ABR: variants seen among roughly 807,000 people sequenced by gnomAD.
ABR encodes active breakpoint cluster region-related protein.
Under a neutral mutation model 107.2 loss-of-function variants are expected in ABR, and 35 were observed. That is an observed-to-expected ratio of 0.33 (90% confidence interval 0.25 to 0.43). The LOEUF (loss-of-function observed/expected upper bound fraction) is 0.43. ABR is among the 20% of genes least tolerant of loss of function. The probability of loss-of-function intolerance (pLI) is 1.00; values close to 1 mark genes in which losing one functional copy is unlikely to be tolerated. For synonymous variants in ABR, 498 were observed against 462.0 expected (o/e 1.08, Z -1.00); for missense variants, 815 against 1,115.2 (o/e 0.73, Z 3.83).
At chr17:1,168,095 T>G (rs1407836179) in intron 1 of ABR, among the ~76,000 whole-genome samples, 1 of 151,980 alleles carries the variant, frequency 6.6e-6, no homozygotes, top group Non-Finnish European at 1.5e-5. Context: ...GAGACCAGCC[T>G]GACCAATATA....
Position 1,071,415 on chromosome 17 carries a change from C to G in ABR, c.894+1199G>C, listed in dbSNP as rs1202898901. Among the ~76,000 whole-genome samples the G allele has an allele frequency of 6.6e-6, 1 of 152,180 alleles. No homozygotes were observed. The highest frequency in any genetic ancestry group is 1.9e-4 in the East Asian group (1 of 5,180). On this transcript the variant is annotated intron_variant, in intron 8 of 22. Coordinates refer to ENST00000302538, the MANE Select transcript of ABR (RefSeq NM_021962.5). This position sits in a 1 kb window ranked among gnomAD's most constrained non-coding sequence, Gnocchi z 5.1. Reference sequence around the variant, plus strand: ...TGTCAGCCTCACTCGTAACGGCCGCCTAATGGCCTCCCCTGGACAGGAAGC... The same window carrying G: ...TGTCAGCCTCACTCGTAACGGCCGCGTAATGGCCTCCCCTGGACAGGAAGC...
chr17:1,057,210 T>C, intron 12 of ABR, 108 bp from the exon 13 acceptor site: 1 of 723,112 alleles, frequency 1.4e-6, no homozygotes, highest in Non-Finnish European at 2.4e-6. Flanking sequence ...TGGGGCAGAC[T>C]TGGTCCTTGC....
intron 1 of ABR, among the ~76,000 whole-genome samples, chr17:1,141,517 G>A (rs970666204): frequency 2.0e-5 from 3 of 152,154 alleles, no homozygotes; most frequent in East Asian, 1.9e-4. Flanking sequence ...AGGTTACAAT[G>A]AGGAAATATA....
At chr17:1,057,173 G>A (rs762771051) in intron 12 of ABR, 71 bp from the exon 13 acceptor site, 21 of 1,045,106 alleles carry the variant, frequency 2.0e-5, no homozygotes, top group Admixed American at 7.5e-5. Context: ...TTCCCTGGGG[G>A]CTGCTGCAGG....
At chr17:1,160,693 C>T (rs150703335) in intron 1 of ABR, among the ~76,000 whole-genome samples, 32 of 152,300 alleles carry the variant, frequency 2.1e-4, no homozygotes, top group African/African-American at 6.3e-4. Context: ...GGGAGGGAGG[C>T]GGCGCAGATG....
chr17:1,041,199 T>C (rs1747542619), intron 16 of ABR, among the ~76,000 whole-genome samples: 1 of 152,020 alleles, frequency 6.6e-6, no homozygotes, highest in South Asian at 2.1e-4. Flanking sequence ...ATTACAGGCA[T>C]GAACCACCGT....
intron 10 of ABR, among the ~76,000 whole-genome samples, 157 bp downstream of exon 10, chr17:1,066,920 C>A (rs1370919106): frequency 1.3e-5 from 2 of 152,084 alleles, no homozygotes; most frequent in East Asian, 3.9e-4. Flanking sequence ...CTGACCCCCT[C>A]GATCTGCTTG....
intron 16 of ABR, among the ~76,000 whole-genome samples, chr17:1,030,072 C>T (rs572148291): frequency 1.4e-4 from 21 of 152,354 alleles, no homozygotes; most frequent in African/African-American, 4.8e-4. Context: ...AATAGCCCGG[C>T]GTCTGCCTGG....
chr17:1,145,029 A>G (rs1567822008), intron 1 of ABR, among the ~76,000 whole-genome samples: 1 of 152,160 alleles, frequency 6.6e-6, no homozygotes, highest in Admixed American at 6.6e-5. Context: ...AAAAAAATAA[A>G]TAAATAAAAA....
Position 1,004,803 on chromosome 17 carries a change from T to C in ABR, c.*1277A>G, listed in dbSNP as rs754443572. 2.6e-6 allele frequency: 1 copy of C among 378,602 alleles called. No individual in the cohort carries two copies. Among genetic ancestry groups the C allele is most frequent in the Admixed American group, 4.6e-5 (1 of 21,906 alleles). 23.5% of individuals were successfully genotyped at this position (378,602 alleles called of 1,614,324 possible). A position where few individuals can be genotyped will look rare whatever the true frequency, so the allele number is the denominator to read the frequency against. ...CCCAGTGTTTACCCAAAAGGCTGTATCCAGAAGCTGGGGCGGCACCACAAT... is the reference window on the plus strand; with the variant it reads ...CCCAGTGTTTACCCAAAAGGCTGTACCCAGAAGCTGGGGCGGCACCACAAT... On this transcript the variant is annotated 3_prime_UTR_variant, in exon 23 of 23. Coordinates refer to ENST00000302538, the MANE Select transcript of ABR (RefSeq NM_021962.5).
At chr17:1,116,737 C>CG (rs34193172) in intron 2 of ABR, among the ~76,000 whole-genome samples, 119,127 of 152,068 alleles carry the variant, frequency 0.78, 46,818 homozygotes, top group East Asian at 0.88. Context: ...ATCTACTAAA[C>CG]GGGGGCAGCC....
intron 16 of ABR, among the ~76,000 whole-genome samples, chr17:1,014,719 G>A (rs1232335506): frequency 4.6e-5 from 7 of 151,692 alleles, no homozygotes; most frequent in Non-Finnish European, 7.4e-5. Flanking sequence ...GGTGGTGGGC[G>A]CCTGTAGTCC....
chr17:1,029,200 G>A (rs1470232053), intron 16 of ABR, among the ~76,000 whole-genome samples: 4 of 151,728 alleles, frequency 2.6e-5, no homozygotes, highest in Non-Finnish European at 4.4e-5. Context: ...CAGATGCCAC[G>A]TGTCTCCCAG....
chr17:1,038,691 G>C (rs2073386179), intron 16 of ABR, among the ~76,000 whole-genome samples: 1 of 152,240 alleles, frequency 6.6e-6, no homozygotes, highest in Non-Finnish European at 1.5e-5. Context: ...CTGGCCACGA[G>C]GGGCTGCTGT....
At chr17:1,087,648 C>T (rs2036701822) in intron 4 of ABR, among the ~76,000 whole-genome samples, 2 of 152,020 alleles carry the variant, frequency 1.3e-5, no homozygotes, top group Non-Finnish European at 2.9e-5. Flanking sequence ...GAGGCCCGGC[C>T]CATCAATGCC....
intron 1 of ABR, among the ~76,000 whole-genome samples, chr17:1,178,255 A>G (rs1281580190): frequency 6.6e-6 from 1 of 151,730 alleles, no homozygotes; most frequent in African/African-American, 2.4e-5. Flanking sequence ...TGACTTATCA[A>G]GGAACTCTAG....
At chr17:1,033,165 G>A (rs1471495631) in intron 16 of ABR, among the ~76,000 whole-genome samples, 4 of 152,350 alleles carry the variant, frequency 2.6e-5, no homozygotes, top group African/African-American at 4.8e-5. Flanking sequence ...TTGACCCCAA[G>A]GCAGGTGGGT....
In ABR at chr17:1,200,853, G is replaced by T. The variant is rs944129260; in HGVS notation, c.838+27940C>A. ...TCTATAACATCCCCAGTAAAAAGCT[G>T]AGAATTGCTCCTGACAAGGTCCTGG... On this transcript the variant is annotated intron_variant, in intron 1 of 22. Transcript: ENST00000574139. This position sits in a 1 kb window ranked among gnomAD's most constrained non-coding sequence, Gnocchi z 4.1. 2.0e-5 allele frequency among the ~76,000 whole-genome samples: 3 copies of T among 152,058 alleles called. No homozygotes were observed. Among genetic ancestry groups the T allele is most frequent in the African/African-American group, 7.2e-5 (3 of 41,414 alleles).
intron 4 of ABR, 132 bp from the exon 5 acceptor site, chr17:1,083,759 T>G (rs1409204162): frequency 2.7e-6 from 2 of 735,482 alleles, no homozygotes; most frequent in Non-Finnish European, 4.8e-6. Context: ...GTTGGGAACT[T>G]GGGGAAACGC....
Sources: gnomAD v4.1 joint callset for allele counts (sites outside exome capture counted in the v4.1 genomes callset) on GRCh38, gnomAD v4.1.1 for gene constraint, Gnocchi (gnomAD v3.1) non-coding constraint, MANE v1.5 for transcripts, NCBI Gene and HGNC (gene_info 2026-07-23, HGNC 2026-07-21) for gene names.